ATP8B1: variants seen among roughly 807,000 people sequenced by gnomAD.
The protein encoded by ATP8B1 is ATPase phospholipid transporting 8B1.
In ATP8B1, 80 loss-of-function variants were observed where a neutral mutation model predicts 149.9. That is an observed-to-expected ratio of 0.53 (90% CI 0.45 to 0.64). The LOEUF (loss-of-function observed/expected upper bound fraction) is 0.64. Ranked by LOEUF, ATP8B1 falls within the 30% of genes least tolerant of loss-of-function variation. The pLI is 0.00. For synonymous variants in ATP8B1, 536 were observed against 562.8 expected, an observed-to-expected ratio of 0.95 and a Z score of 0.67; for missense variants, 1,247 against 1,552.6, an observed-to-expected ratio of 0.80 and a Z score of 3.31.
intron 15 of ATP8B1, among the ~76,000 whole-genome samples, chr18:57,679,601 G>A (rs573701565): frequency 6.6e-6 from 1 of 152,154 alleles, no homozygotes; most frequent in East Asian, 1.9e-4. Flanking sequence ...CTAGCTTCAG[G>A]GTAATGGTGG....
At chr18:57,697,964 A>G (rs1912908414) in intron 6 of ATP8B1, 97 bp from the exon 7 acceptor site, 1 of 1,180,606 alleles carries the variant, frequency 8.5e-7, no homozygotes, top group Non-Finnish European at 1.2e-6. Context: ...GAAAATATGC[A>G]AGTCACAGAG....
intron 1 of ATP8B1, among the ~76,000 whole-genome samples, chr18:57,786,661 TTGGTC>T (rs2080413303): frequency 6.6e-6 from 1 of 152,208 alleles, no homozygotes; most frequent in Non-Finnish European, 1.5e-5. Flanking sequence ...GTCCCTCACT[TTGGTC>T]TGGGAAAGAC....
intron 1 of ATP8B1, among the ~76,000 whole-genome samples, chr18:57,783,816 C>A (rs983205860): frequency 1.3e-5 from 2 of 151,852 alleles, no homozygotes; most frequent in Admixed American, 6.6e-5. Context: ...GCCTGGGTGG[C>A]AGAGTGAGAC....
At chr18:57,674,709 T>A in intron 16 of ATP8B1, 125 bp downstream of exon 16, 4 of 1,120,786 alleles carry the variant, frequency 3.6e-6, no homozygotes, top group Non-Finnish European at 5.3e-6. Context: ...TCAGTAAAGC[T>A]GCAGAAATCT....
Position 57,667,263 on chromosome 18 carries a change from G to T in ATP8B1, c.2210-96C>A, listed in dbSNP as rs936043770. Reference sequence around the variant, plus strand: ...ACAGCATCTCACTCCCACTGCCTAGGCTGGAGTGCAGTGGCACAATCTCTG... The same window carrying T: ...ACAGCATCTCACTCCCACTGCCTAGTCTGGAGTGCAGTGGCACAATCTCTG... On this transcript the variant is annotated intron_variant, in intron 19 of 27. Coordinates refer to ENST00000648908, the MANE Select transcript of ATP8B1 (RefSeq NM_001374385.1). 6 of 1,003,358 alleles carry T rather than the reference G, an allele frequency of 6.0e-6. No homozygotes were observed. The African/African-American group carries it at 9.7e-5, about 16-fold the overall frequency. 62.2% of individuals were successfully genotyped at this position (1,003,358 alleles called of 1,614,324 possible).
In ATP8B1 at chr18:57,778,514, G is replaced by A. The variant is rs182483512; in HGVS notation, c.-26+24484C>T. ...CAAAGTGCTGGGATTACAGGCATGA[G>A]CCACCGCGCCCGGCCTATAATCTCA... On this transcript the variant is annotated intron_variant, in intron 1 of 27. Transcript: ENST00000648908. 2.8e-3 allele frequency among the ~76,000 whole-genome samples: 429 copies of A among 152,300 alleles called. 5 individuals carry two copies. Among genetic ancestry groups the A allele is most frequent in the Admixed American group, 0.024 (365 of 15,304 alleles).
chr18:57,746,856 A>G (rs1599186980), intron 1 of ATP8B1, among the ~76,000 whole-genome samples: 1 of 152,280 alleles, frequency 6.6e-6, no homozygotes, highest in East Asian at 1.9e-4. Flanking sequence ...AAGTGGGTTC[A>G]TGGAATCCAC....
intron 1 of ATP8B1, among the ~76,000 whole-genome samples, chr18:57,753,190 T>G (rs2080039477): frequency 6.6e-6 from 1 of 152,190 alleles, no homozygotes; most frequent in South Asian, 2.1e-4. Context: ...TGGATACAGA[T>G]TTTTGCTTTC....
intron 2 of ATP8B1, among the ~76,000 whole-genome samples, chr18:57,728,385 G>A (rs974958354): frequency 9.9e-5 from 15 of 152,098 alleles, no homozygotes; most frequent in Non-Finnish European, 1.8e-4. Context: ...AGAGAAGTCA[G>A]GGTGACACTG....
At position 57,759,155 on chromosome 18, in the gene ATP8B1, C is replaced by CAAAAA. The variant is rs566728161; in HGVS notation, c.-25-27328_-25-27324dup. ...TGGGCGACAGAACGAGATTCCATCT[C>CAAAAA]AAAAAAAAAAAAAAAAAAAAAAAAA... On this transcript the variant is annotated intron_variant, in intron 1 of 27. Transcript: ENST00000648908. 2.6e-3 allele frequency among the ~76,000 whole-genome samples: 281 copies of CAAAAA among 106,250 alleles called. 5 individuals carry two copies. The highest frequency in any genetic ancestry group is 6.9e-3 in the African/African-American group (186 of 26,858). The allele number at this position is 106,250 out of a possible 152,430, so 69.7% of individuals were successfully genotyped here.
At chr18:57,770,018 G>A (rs2080250907) in intron 1 of ATP8B1, among the ~76,000 whole-genome samples, 1 of 151,322 alleles carries the variant, frequency 6.6e-6, no homozygotes, top group Non-Finnish European at 1.5e-5. Context: ...AACCCAGCCA[G>A]CCCAGCATCC....
At chr18:57,689,852 C>T (rs774275421) in intron 12 of ATP8B1, among the ~76,000 whole-genome samples, 10 of 152,070 alleles carry the variant, frequency 6.6e-5, no homozygotes, top group Non-Finnish European at 1.5e-4. Flanking sequence ...CCCGTCTCTA[C>T]TAAAAATACA....
intron 1 of ATP8B1, among the ~76,000 whole-genome samples, chr18:57,786,363 C>T (rs80128738): frequency 0.014 from 2,202 of 152,274 alleles, 29 homozygotes; most frequent in South Asian, 0.027. Flanking sequence ...CGTCAAAAGC[C>T]TCTCAGCCAG....
chr18:57,706,447 A>C, intron 3 of ATP8B1, 43 bp downstream of exon 3: 2 of 1,563,212 alleles, frequency 1.3e-6, no homozygotes, highest in Non-Finnish European at 1.8e-6. Context: ...TACTGGAAAA[A>C]ACTGCATTTT....
In ATP8B1 at chr18:57,695,239, T is replaced by G. The variant is rs1912748914; in HGVS notation, c.872A>C (p.Asp291Ala). 1 of 1,614,064 alleles carries G rather than the reference T, an allele frequency of 6.2e-7. No individual in the cohort carries two copies. The highest frequency in any genetic ancestry group is 8.5e-7 in the Non-Finnish European group (1 of 1,180,034). The change falls in exon 10 of 28, where the codon GAT (aspartate) becomes GCT (alanine). Residue 291 changes from aspartate to alanine, a missense_variant. Transcript: ENST00000648908. The stretch of plus-strand genomic sequence containing the variant: ...TACACAGCCACGTAACAAAATTTTA[T>G]CAGCATCCAAAGGAAAACTTGTGTT... ...WRNTSFPLDA[D>A]KILLRGCVIR... is the part of the protein sequence containing the mutation.
chr18:57,662,705 C>CA (rs34396065), intron 20 of ATP8B1, 90 bp from the exon 21 acceptor site: 4 of 1,425,530 alleles, frequency 2.8e-6, no homozygotes, highest in African/African-American at 2.9e-5. Flanking sequence ...AAAATTGTGA[C>CA]AAAAAAACAA....
chr18:57,729,923 G>A (rs1234102724), intron 2 of ATP8B1, among the ~76,000 whole-genome samples: 1 of 152,150 alleles, frequency 6.6e-6, no homozygotes, highest in African/African-American at 2.4e-5. Context: ...AGGCACTTAA[G>A]CTCAATCCTC....
intron 1 of ATP8B1, among the ~76,000 whole-genome samples, chr18:57,788,164 A>C (rs1230180579): frequency 1.3e-5 from 2 of 152,256 alleles, no homozygotes; most frequent in Non-Finnish European, 2.9e-5. Context: ...CATTTTAAAA[A>C]TTGGAAGCTT....
Position 57,701,202 on chromosome 18 carries a change from G to A in ATP8B1, c.492+13C>T, listed in dbSNP as rs1461873831. 6.2e-7 allele frequency: 1 copy of A among 1,613,700 alleles called. No individual in the cohort carries two copies. Among genetic ancestry groups the A allele is most frequent in the Non-Finnish European group, 8.5e-7 (1 of 1,179,596 alleles). On this transcript the variant is annotated intron_variant, in intron 5 of 27. Transcript: ENST00000648908. ...CAAAGCAATGAGTAGAACGTTGTAT[G>A]AGAAATCCTCACCACATCGTCCACC...
Sources: allele counts gnomAD v4.1 joint callset (sites outside exome capture counted in the v4.1 genomes callset), GRCh38; gene constraint gnomAD v4.1.1; transcripts MANE v1.5; gene names NCBI Gene and HGNC (gene_info 2026-07-23, HGNC 2026-07-21).